ZNF536: variants seen among roughly 807,000 people sequenced by gnomAD.
ZNF536 encodes the protein zinc finger protein 536.
ZNF536 carries 13 observed loss-of-function variants against 84.5 expected under a neutral mutation model. The observed-to-expected ratio is 0.15, with a 90% CI of 0.10 to 0.24. ZNF536 has a LOEUF of 0.24. ZNF536 is among the 10% of genes least tolerant of loss of function. The pLI is 1.00. For synonymous variants in ZNF536, 811 were observed against 742.5 expected, an observed-to-expected ratio of 1.09 and a Z score of -1.50; for missense variants, 1,536 against 1,747.5, an observed-to-expected ratio of 0.88 and a Z score of 2.16.
In ZNF536 at chr19:30,473,352, C is replaced by T. The variant is rs575831780; in HGVS notation, c.2170+27620C>T. Reference sequence around the variant, plus strand: ...GATATCCTTTGGTGTTTTAGCCCAGCGTGTCCCATGGCCCCAGAGTATGCA... The same window carrying T: ...GATATCCTTTGGTGTTTTAGCCCAGTGTGTCCCATGGCCCCAGAGTATGCA... On this transcript the variant is annotated intron_variant, in intron 2 of 4. Transcript: ENST00000355537. 5.9e-5 allele frequency among the ~76,000 whole-genome samples: 9 copies of T among 152,232 alleles called. No individual in the cohort carries two copies. In the South Asian group the frequency reaches 8.3e-4, roughly 14 times the overall value.
At chr19:30,305,905 G>T (rs2046328759) in intron 2 of ZNF536, among the ~76,000 whole-genome samples, 1 of 152,240 alleles carries the variant, frequency 6.6e-6, no homozygotes, top group African/African-American at 2.4e-5. Flanking sequence ...TGTAGAGCCT[G>T]GGCCAGGCAT....
chr19:30,469,062 C>T (rs889005536), intron 2 of ZNF536, among the ~76,000 whole-genome samples: 1 of 152,150 alleles, frequency 6.6e-6, no homozygotes, highest in African/African-American at 2.4e-5. Context: ...CTCCCTGCAG[C>T]AGGATGTCCC....
At chr19:30,230,279 C>T (rs2022933993) in intron 1 of ZNF536, among the ~76,000 whole-genome samples, 1 of 152,200 alleles carries the variant, frequency 6.6e-6, no homozygotes, top group Non-Finnish European at 1.5e-5. Context: ...CCTCATATGT[C>T]ATCTGCAGGG....
intron 2 of ZNF536, among the ~76,000 whole-genome samples, chr19:30,505,373 A>T (rs1484120521): frequency 6.8e-6 from 1 of 147,602 alleles, no homozygotes; most frequent in Non-Finnish European, 1.5e-5. Context: ...TGATATATGA[A>T]TGTATACTAT....
chr19:30,607,099 G>A, intron 1 of ZNF536, among the ~76,000 whole-genome samples: 1 of 152,174 alleles, frequency 6.6e-6, no homozygotes, highest in Non-Finnish European at 1.5e-5. Flanking sequence ...AAACTGAGCA[G>A]CTTGGATCAA....
At chr19:30,388,094 G>C (rs1308754932) in intron 1 of ZNF536, among the ~76,000 whole-genome samples, 1 of 152,168 alleles carries the variant, frequency 6.6e-6, no homozygotes, top group Non-Finnish European at 1.5e-5. Flanking sequence ...ATTTGGCCAG[G>C]ATATAAGTAC....
chr19:30,319,118 A>C (rs917251741), intron 2 of ZNF536, among the ~76,000 whole-genome samples: 1 of 152,222 alleles, frequency 6.6e-6, no homozygotes, highest in Non-Finnish European at 1.5e-5. Flanking sequence ...CAGGCATTTA[A>C]AATAGAAGTC....
At position 30,466,584 on chromosome 19, in the gene ZNF536, A is replaced by AAGAAAGAAAGAAAGAGAGAGAGAG. The variant is rs1555775076; in HGVS notation, c.2170+20855_2170+20856insAAGAAAGAAAGAGAGAGAGAGAGA. ...TTAGAAAGAAAGAAAGAAAGAAAGA[A>AAGAAAGAAAGAAAGAGAGAGAGAG]AGAGAGAGAGAGAGAGAGAAAGAAA... On this transcript the variant is annotated intron_variant, in intron 2 of 4. Coordinates refer to ENST00000355537, the MANE Select transcript of ZNF536 (RefSeq NM_014717.3). 2.1e-5 allele frequency among the ~76,000 whole-genome samples: 3 copies of AAGAAAGAAAGAAAGAGAGAGAGAG among 144,464 alleles called. No individual in the cohort carries two copies. The East Asian group carries it at 6.3e-4, about 31-fold the overall frequency. The allele number at this position is 144,464 out of a possible 152,430, so 94.8% of individuals were successfully genotyped here.
chr19:30,376,337 T>A (rs1424421872), intron 1 of ZNF536, among the ~76,000 whole-genome samples: 1 of 152,200 alleles, frequency 6.6e-6, no homozygotes, highest in Non-Finnish European at 1.5e-5. Flanking sequence ...CGGCTGGCCC[T>A]GTTCCACCCC....
intron 2 of ZNF536, among the ~76,000 whole-genome samples, chr19:30,472,765 G>T (rs769535627): frequency 6.6e-6 from 1 of 152,128 alleles, no homozygotes; most frequent in African/African-American, 2.4e-5. Context: ...TGCTTCAAAG[G>T]ATGGCATGTC....
chr19:30,609,003 C>G (rs1391279056), intron 1 of ZNF536, among the ~76,000 whole-genome samples: 1 of 152,202 alleles, frequency 6.6e-6, no homozygotes, highest in African/African-American at 2.4e-5. Context: ...ATACGTGTCT[C>G]TCTCATCTTG....
intron 1 of ZNF536, among the ~76,000 whole-genome samples, chr19:30,661,964 C>T (rs543554908): frequency 2.0e-5 from 3 of 152,174 alleles, no homozygotes; most frequent in East Asian, 3.9e-4. Context: ...TTGTGCTTTT[C>T]GTTATTTTCC....
chr19:30,375,134 C>A (rs1271803909), intron 1 of ZNF536, among the ~76,000 whole-genome samples: 1 of 150,906 alleles, frequency 6.6e-6, no homozygotes, highest in African/African-American at 2.4e-5. Context: ...TGTTTTCTGG[C>A]GCGGTCGCGG....
intron 1 of ZNF536, among the ~76,000 whole-genome samples, chr19:30,576,790 G>C (rs139571847): frequency 6.6e-6 from 1 of 152,304 alleles, no homozygotes; most frequent in African/African-American, 2.4e-5. Context: ...CCTGGGCAAT[G>C]CTTTCAGCAA....
At chr19:30,374,020 T>C (rs890871055) in intron 1 of ZNF536, among the ~76,000 whole-genome samples, 1 of 152,222 alleles carries the variant, frequency 6.6e-6, no homozygotes, top group Non-Finnish European at 1.5e-5. Context: ...ATAGAAACGA[T>C]AGAGCGTATT....
intron 2 of ZNF536, among the ~76,000 whole-genome samples, chr19:30,511,809 A>C (rs2055424723): frequency 6.6e-6 from 1 of 152,212 alleles, no homozygotes; most frequent in Non-Finnish European, 1.5e-5. Flanking sequence ...GACCGTATGC[A>C]CGTTAATGAC....
At chr19:30,247,402 G>A (rs1378553520) in intron 1 of ZNF536, among the ~76,000 whole-genome samples, 3 of 152,208 alleles carry the variant, frequency 2.0e-5, no homozygotes, top group African/African-American at 7.2e-5. Flanking sequence ...CAGGCATGCC[G>A]GTTCCTGAGC....
At position 30,534,956 on chromosome 19, in the gene ZNF536, C is replaced by T. The variant is rs1210769214; in HGVS notation, c.2280C>T (p.Phe760=). Residue 760 remains phenylalanine (F), a synonymous_variant, in exon 3 of 5, where the codon TTC becomes TTT. Transcript: ENST00000355537. ...MKDCPYCGKT[F]RTSHHLKVHL... is the part of the protein sequence containing the mutation. ...ACTGCCCGTACTGTGGGAAAACTTT[C>T]CGGACATCCCATCACCTTAAGGTGC... The T allele has an allele frequency of 1.2e-6, 2 of 1,613,610 alleles. No homozygotes were observed. Among genetic ancestry groups the T allele is most frequent in the African/African-American group, 2.7e-5 (2 of 74,948 alleles).
intron 1 of ZNF536, among the ~76,000 whole-genome samples, chr19:30,653,345 G>A (rs1008507888): frequency 6.6e-6 from 1 of 152,170 alleles, no homozygotes; most frequent in Non-Finnish European, 1.5e-5. Context: ...TCTGCTTTCG[G>A]GGAGACAAGC....
Sources: gnomAD v4.1 joint callset for allele counts (sites outside exome capture counted in the v4.1 genomes callset) on GRCh38, gnomAD v4.1.1 for gene constraint, MANE v1.5 for transcripts, NCBI Gene and HGNC (gene_info 2026-07-23, HGNC 2026-07-21) for gene names.